IQUB: variants seen among roughly 807,000 people sequenced by gnomAD.
IQUB encodes the protein IQ motif and ubiquitin domain containing.
IQUB carries 86 observed loss-of-function variants against 86.4 expected under a neutral mutation model. The ratio of observed to expected loss-of-function variants is 1.00; its 90% confidence interval spans 0.84 to 1.19. IQUB has a LOEUF of 1.19. Among genes scored for constraint, IQUB ranks in the 50% most tolerant of loss-of-function variants. The pLI is 0.00. For missense variants in IQUB, 946 were observed against 916.9 expected (o/e 1.03, Z -0.41); for synonymous variants, 289 against 304.5 (o/e 0.95, Z 0.53).
At chr7:123,523,440 T>A (rs1797011809) in intron 1 of IQUB, among the ~76,000 whole-genome samples, 1 of 152,046 alleles carries the variant, frequency 6.6e-6, no homozygotes, top group Non-Finnish European at 1.5e-5. Context: ...GATTTGCATT[T>A]CTCTGATGGC....
chr7:123,490,514 A>C (rs996306425), intron 7 of IQUB, among the ~76,000 whole-genome samples: 10 of 152,086 alleles, frequency 6.6e-5, no homozygotes, highest in Non-Finnish European at 1.2e-4. Flanking sequence ...AAAATAAAGA[A>C]AATTTAAACA....
At chr7:123,473,268 G>A (rs995040918) in intron 8 of IQUB, among the ~76,000 whole-genome samples, 1 of 152,140 alleles carries the variant, frequency 6.6e-6, no homozygotes, top group Admixed American at 6.5e-5. Context: ...AGAGGCCATG[G>A]CACTTTCCTG....
intron 1 of IQUB, chr7:123,532,421 C>T (rs1443613597): frequency 6.6e-6 from 1 of 152,104 alleles, no homozygotes; most frequent in Non-Finnish European, 1.5e-5. Flanking sequence ...TGATTCTAAA[C>T]TGCTTGTCTC....
At chr7:123,518,012 C>G (rs1457126053) in intron 1 of IQUB, among the ~76,000 whole-genome samples, 1 of 152,182 alleles carries the variant, frequency 6.6e-6, no homozygotes, top group African/African-American at 2.4e-5. Flanking sequence ...CCCACCAGGG[C>G]ATGAGAGTTG....
chr7:123,503,249 T>C lies in IQUB; in HGVS notation c.647A>G (p.Asp216Gly). ...GATTTGAGAGACATCAGTTAATCCA[T>C]CTATTCTTCTGACTGGATACAGATC... is the stretch of plus-strand genomic sequence containing the variant. ...NPDLYPVRRI[D>G]GLTDVSQIIT... Residue 216 changes from aspartate (D) to glycine (G), a missense_variant, in exon 4 of 13, where the codon GAT becomes GGT. Transcript: ENST00000324698. 6.2e-7 allele frequency: 1 copy of C among 1,612,222 alleles called. No individual in the cohort carries two copies. The highest frequency in any genetic ancestry group is 8.5e-7 in the Non-Finnish European group (1 of 1,178,694).
chr7:123,465,120 G>A lies in IQUB; in HGVS notation c.1582-111C>T, dbSNP rs144058762. On this transcript the variant is annotated intron_variant, in intron 9 of 12. Coordinates refer to ENST00000324698, the MANE Select transcript of IQUB (RefSeq NM_178827.5). ...TACATTCCTAAAGAAATGAAACATT[G>A]TCAATAGGAGTATAAATTGGCAAAA... 2.8e-3 allele frequency: 1,888 copies of A among 684,348 alleles called. 7 individuals are homozygous for A. The highest frequency in any genetic ancestry group is 3.2e-3 in the Non-Finnish European group (1,288 of 403,130). The allele number at this position is 684,348 out of a possible 1,614,324, so 42.4% of individuals were successfully genotyped here. A position where few individuals can be genotyped will look rare whatever the true frequency, so the allele number is the denominator to read the frequency against.
At position 123,453,263 on chromosome 7, in the gene IQUB, A is replaced by AATATATATATATAT. The variant is rs72054596; in HGVS notation, c.2194-352_2194-339dup. 6.2e-4 allele frequency among the ~76,000 whole-genome samples: 86 copies of AATATATATATATAT among 138,216 alleles called. No homozygotes were observed. The East Asian group carries it at 7.7e-3, about 12-fold the overall frequency. The allele number at this position is 138,216 out of a possible 152,430, so 90.7% of individuals were successfully genotyped here. A position where few individuals can be genotyped will look rare whatever the true frequency, so the allele number is the denominator to read the frequency against. Reference sequence around the variant, plus strand: ...ATTCTAACTGGGGGTATCTAGTTAGAATATATATATATATATATATATTAT... The same window carrying AATATATATATATAT: ...ATTCTAACTGGGGGTATCTAGTTAGAATATATATATATATATATATATATATATATATATATTAT... On this transcript the variant is annotated intron_variant, in intron 12 of 12. Transcript: ENST00000324698.
intron 8 of IQUB, among the ~76,000 whole-genome samples, chr7:123,476,770 T>C (rs1258192078): frequency 6.6e-6 from 1 of 151,384 alleles, no homozygotes. Flanking sequence ...ATTTGATATA[T>C]GCAGAGTCAT....
chr7:123,525,642 C>CA (rs1290213724), intron 1 of IQUB, among the ~76,000 whole-genome samples: 1 of 152,040 alleles, frequency 6.6e-6, no homozygotes, highest in African/African-American at 2.4e-5. Context: ...TTCATCCTTT[C>CA]AAAAAACCAG....
At chr7:123,484,676 GTCTTGGA>G (rs1232270222) in intron 7 of IQUB, among the ~76,000 whole-genome samples, 6 of 152,000 alleles carry the variant, frequency 3.9e-5, no homozygotes, top group Admixed American at 2.6e-4. Flanking sequence ...AAATATTTAA[GTCTTGGA>G]TGAATCTGGA....
intron 7 of IQUB, among the ~76,000 whole-genome samples, chr7:123,487,134 A>ACT (rs1188194485): frequency 2.7e-5 from 4 of 149,724 alleles, no homozygotes; most frequent in Admixed American, 6.7e-5. Context: ...CTCCTTCTTC[A>ACT]CTCTCTCTCT....
intron 2 of IQUB, among the ~76,000 whole-genome samples, chr7:123,510,968 T>A (rs962548545): frequency 1.5e-4 from 23 of 152,112 alleles, no homozygotes; most frequent in African/African-American, 2.4e-4. Context: ...AACATTTTTT[T>A]AAAAATCACT....
chr7:123,534,313 T>C (rs1220943282), intron 1 of IQUB, among the ~76,000 whole-genome samples, 179 bp downstream of exon 1: 1 of 152,130 alleles, frequency 6.6e-6, no homozygotes, highest in Non-Finnish European at 1.5e-5. Flanking sequence ...AAAGATGAGA[T>C]GCTTCGCACG....
chr7:123,533,992 AG>A (rs1341710097), intron 1 of IQUB, among the ~76,000 whole-genome samples: 1 of 152,248 alleles, frequency 6.6e-6, no homozygotes, highest in Non-Finnish European at 1.5e-5. Context: ...ATAATTAGTG[AG>A]GCAGGGATCC....
rs1015848993 is a variant in IQUB, at chr7:123,461,431, T to C, written c.1933A>G (p.Lys645Glu). Residue 645 changes from lysine (K) to glutamate (E), a missense_variant, in exon 11 of 13, where the codon AAA (lysine) becomes GAA (glutamate). Transcript: ENST00000324698. ...TAGTAGAGCTGTTGAAGTAAACATT[T>C]GTACTTCAAAAATGATTCTCGTTTT... is the stretch of plus-strand genomic sequence containing the variant. ...AQKRESFLKYKCLLQQLYYTE... is the reference protein window; with the variant it reads ...AQKRESFLKYECLLQQLYYTE... 1 of 1,612,168 alleles carries C rather than the reference T, an allele frequency of 6.2e-7. No individual in the cohort carries two copies. Among genetic ancestry groups the C allele is most frequent in the Non-Finnish European group, 8.5e-7 (1 of 1,178,818 alleles).
chr7:123,509,068 T>A (rs1320261452), intron 3 of IQUB, among the ~76,000 whole-genome samples: 1 of 152,178 alleles, frequency 6.6e-6, no homozygotes. Flanking sequence ...CTATAATAGA[T>A]TTTTTTAAAT....
Position 123,491,592 on chromosome 7 carries a change from T to A in IQUB, c.1234+5104A>T, listed in dbSNP as rs532489419. Among the ~76,000 whole-genome samples the A allele has an allele frequency of 3.6e-4, 54 of 152,100 alleles. No homozygotes were observed. The South Asian group carries it at 0.01, about 29-fold the overall frequency. ...ATAAATCCAACAACTCAGAAAAAAA[T>A]TACCAATTCCTTTAAAGACAATAAC... On this transcript the variant is annotated intron_variant, in intron 7 of 12. Coordinates refer to ENST00000324698, the MANE Select transcript of IQUB (RefSeq NM_178827.5).
At position 123,517,821 on chromosome 7, in the gene IQUB, C is replaced by A. The variant is rs371686774; in HGVS notation, c.-4-5477G>T. Among the ~76,000 whole-genome samples the A allele has an allele frequency of 5.3e-5, 8 of 152,280 alleles. No individual in the cohort carries two copies. In the South Asian group the frequency reaches 1.0e-3, roughly 20 times the overall value. On this transcript the variant is annotated intron_variant, in intron 1 of 12. Transcript: ENST00000324698. ...TTGTCTTTCCTACAGCCAGCAAGAA[C>A]AATGCTTGCTCACCTATGCCCTGAA...
chr7:123,512,310 G>T lies in IQUB; in HGVS notation c.31C>A (p.Gln11Lys). The T allele has an allele frequency of 6.3e-7, 1 of 1,587,784 alleles. No individual in the cohort carries two copies. Among genetic ancestry groups the T allele is most frequent in the Middle Eastern group, 1.7e-4 (1 of 5,972 alleles). Residue 11 changes from glutamine (Q) to lysine (K), a missense_variant, in exon 2 of 13, where the codon CAG becomes AAG. Coordinates refer to ENST00000324698, the MANE Select transcript of IQUB (RefSeq NM_178827.5). Reference sequence around the variant, plus strand: ...TCTTCTGTTGAATTGACTATATTCTGAGCTTCATACTTCTCCTGTTGATTA... The same window carrying T: ...TCTTCTGTTGAATTGACTATATTCTTAGCTTCATACTTCTCCTGTTGATTA... MSNQQEKYEAQNIVNSTEESD... is the reference protein window; with the variant it reads MSNQQEKYEAKNIVNSTEESD...
Sources: allele counts gnomAD v4.1 joint callset (sites outside exome capture counted in the v4.1 genomes callset), GRCh38; gene constraint gnomAD v4.1.1; transcripts MANE v1.5; gene names NCBI Gene and HGNC (gene_info 2026-07-23, HGNC 2026-07-21).